The following SPATA1 variants were observed in gnomAD, a reference collection of about 807,000 sequenced individuals.
SPATA1 encodes the protein spermatogenesis-associated protein 1.
Under a neutral mutation model 59.6 loss-of-function variants are expected in SPATA1, and 57 were observed. That is an observed-to-expected ratio of 0.96 (90% confidence interval 0.77 to 1.19). The LOEUF is 1.19. Ranked by LOEUF, SPATA1 falls within the 50% of genes most tolerant of loss-of-function variation. SPATA1 has a pLI of 0.00. For missense variants in SPATA1, 448 were observed against 480.7 expected, an observed-to-expected ratio of 0.93 and a Z score of 0.64; for synonymous variants, 147 against 163.9, an observed-to-expected ratio of 0.90 and a Z score of 0.79.
chr1:84,525,966 C>A (rs772340002), exon 6 of SPATA1: 2 of 1,613,692 alleles, frequency 1.2e-6, no homozygotes, highest in South Asian at 2.2e-5. Context: ...GCTGATGGAA[C>A]AATCCACAGA....
At chr1:84,556,244 T>C (rs187596326), downstream of SPATA1, among the ~76,000 whole-genome samples, 3 of 152,246 alleles carry the variant, frequency 2.0e-5, no homozygotes, top group Admixed American at 6.5e-5. Context: ...GGAGCAGATC[T>C]AGGACAAAGT....
Position 84,547,325 on chromosome 1 carries a change from CT to C in SPATA1, c.947-1460del, listed in dbSNP as rs566016331. On this transcript the variant is annotated intron_variant, in intron 10 of 12. Transcript: ENST00000490879. ...TGAAATGGGAATGATCCATCACTTCCTATTTCAACAGGAATATTTCAAGATA... is the reference window on the plus strand; with the variant it reads ...TGAAATGGGAATGATCCATCACTTCCATTTCAACAGGAATATTTCAAGATA... Among the ~76,000 whole-genome samples, 648 of 152,248 alleles carry C rather than the reference CT, an allele frequency of 4.3e-3. 10 individuals are homozygous for C. Among genetic ancestry groups the C allele is most frequent in the Non-Finnish European group, 4.5e-3 (305 of 68,016 alleles).
chr1:84,520,742 T>C lies in SPATA1; in HGVS notation c.143+51T>C. 6 of 1,259,596 alleles carry C rather than the reference T, an allele frequency of 4.8e-6. No homozygotes were observed. The South Asian group carries it at 8.6e-5, about 18-fold the overall frequency. 78.0% of individuals were successfully genotyped at this position (1,259,596 alleles called of 1,614,324 possible). ...ATATGCCTGAAAGAAGAATCTGTTTTCTTCAGAGAAAAATGCTTTTTGGAA... is the reference window on the plus strand; with the variant it reads ...ATATGCCTGAAAGAAGAATCTGTTTCCTTCAGAGAAAAATGCTTTTTGGAA... On this transcript the variant is annotated intron_variant, in intron 3 of 12. Coordinates refer to ENST00000490879, the Ensembl canonical transcript of SPATA1.
intron 3 of SPATA1, 94 bp downstream of exon 3, chr1:84,520,785 G>GA: frequency 1.2e-6 from 1 of 842,388 alleles, no homozygotes. Context: ...AACTATAAGT[G>GA]AAAAATATTT....
rs983026173 is a variant in SPATA1 at position 84,563,485 on chromosome 1, A to G, written n.443-2376A>G. 5.4e-6 allele frequency: 6 copies of G among 1,114,232 alleles called. No homozygotes were observed. The African/African-American group carries it at 9.8e-5, about 18-fold the overall frequency. The allele number at this position is 1,114,232 out of a possible 1,614,324, so 69.0% of individuals were successfully genotyped here. A position where few individuals can be genotyped will look rare whatever the true frequency, so the allele number is the denominator to read the frequency against. ...GCAATTCTTAAAAGCCAAACCAAAA[A>G]TATATAAATTATTTAGAAATAAAAC... On this transcript the variant is annotated intron_variant and non_coding_transcript_variant, in intron 4 of 4. Transcript: ENST00000460286.
intron 6 of SPATA1, among the ~76,000 whole-genome samples, chr1:84,530,161 T>A (rs1174538927): frequency 6.6e-6 from 1 of 152,162 alleles, no homozygotes; most frequent in African/African-American, 2.4e-5. Flanking sequence ...ATTGCAGTCA[T>A]GAGCCACCGC....
downstream of SPATA1, chr1:84,555,045 G>A (rs766374860): frequency 6.2e-7 from 1 of 1,613,888 alleles, no homozygotes; most frequent in Non-Finnish European, 8.5e-7. Flanking sequence ...CATTTCTTCA[G>A]TTTGCTGTTT....
chr1:84,563,977 TCC>T, intron 4 of SPATA1: 1 of 892,212 alleles, frequency 1.1e-6, no homozygotes, highest in Non-Finnish European at 1.5e-6. Context: ...TTATAAAACA[TCC>T]CTTAAGAACC....
intron 1 of SPATA1, among the ~76,000 whole-genome samples, chr1:84,509,190 A>G (rs956682601): frequency 6.6e-6 from 1 of 150,840 alleles, no homozygotes; most frequent in African/African-American, 2.4e-5. Flanking sequence ...TAGTAACCAA[A>G]ACAGCATGGT....
intron 4 of SPATA1, among the ~76,000 whole-genome samples, chr1:84,564,607 A>G (rs1684657237): frequency 6.6e-6 from 1 of 152,210 alleles, no homozygotes; most frequent in Non-Finnish European, 1.5e-5. Flanking sequence ...CTTCGGCCTC[A>G]TGTGATCTTC....
intron 2 of SPATA1, among the ~76,000 whole-genome samples, chr1:84,519,781 T>C (rs1224291536): frequency 6.6e-6 from 1 of 152,170 alleles, no homozygotes; most frequent in African/African-American, 2.4e-5. Context: ...ATGAAATTAC[T>C]AATATTAACA....
At chr1:84,515,113 C>T (rs936256301) in intron 1 of SPATA1, among the ~76,000 whole-genome samples, 23 of 152,094 alleles carry the variant, frequency 1.5e-4, no homozygotes, top group African/African-American at 5.3e-4. Context: ...TTAACTAATT[C>T]TTATCTAATA....
intron 2 of SPATA1, among the ~76,000 whole-genome samples, chr1:84,519,675 AG>A (rs1189679002): frequency 6.6e-6 from 1 of 152,130 alleles, no homozygotes; most frequent in Non-Finnish European, 1.5e-5. Flanking sequence ...TTAAATTGTT[AG>A]TTAATAATCA....
Position 84,526,041 on chromosome 1 carries a change from TGAAA to T in SPATA1, c.515_518del (p.Lys172SerfsTer92), listed in dbSNP as rs746291873. ...GATCCCAGTTTGTTAGAAAACACTT[TGAAA>T]GAGCTTCCTAACAAGAATCAGGAAG... is the stretch of plus-strand genomic sequence containing the variant. On this transcript the variant is annotated frameshift_variant, in exon 6 of 13. Coordinates refer to ENST00000490879, the Ensembl canonical transcript of SPATA1. LOFTEE classifies it high-confidence loss of function. The T allele has an allele frequency of 2.4e-5, 38 of 1,612,130 alleles. No homozygotes were observed. Among genetic ancestry groups the T allele is most frequent in the Non-Finnish European group, 3.1e-5 (37 of 1,179,040 alleles).
At chr1:84,512,000 T>C (rs1434447427) in intron 1 of SPATA1, among the ~76,000 whole-genome samples, 1 of 152,168 alleles carries the variant, frequency 6.6e-6, no homozygotes, top group African/African-American at 2.4e-5. Flanking sequence ...GGCATTTTAA[T>C]CTGTTTACCT....
rs140610861 is a variant in SPATA1 at position 84,522,333 on chromosome 1, T to A, written c.144-57T>A. ...TAGCTGACTAAAGTTATTGAATCAT[T>A]AGTATATCCAAAATCTATTTCATTT... is the stretch of plus-strand genomic sequence containing the variant. On this transcript the variant is annotated intron_variant, in intron 3 of 12. Transcript: ENST00000490879. 62 of 968,844 alleles carry A rather than the reference T, an allele frequency of 6.4e-5. No homozygotes were observed. The African/African-American group carries it at 7.9e-4, about 12-fold the overall frequency. 60.0% of individuals were successfully genotyped at this position (968,844 alleles called of 1,614,324 possible).
At chr1:84,546,220 G>A (rs954385842) in intron 10 of SPATA1, among the ~76,000 whole-genome samples, 7 of 152,216 alleles carry the variant, frequency 4.6e-5, no homozygotes, top group East Asian at 1.9e-4. Flanking sequence ...TTGGGAGGCC[G>A]AGGCAGGCGG....
At chr1:84,548,835 A>G (rs767827259) in exon 11 of SPATA1, 1 of 1,572,932 alleles carries the variant, frequency 6.4e-7, no homozygotes, top group South Asian at 1.2e-5. Context: ...AAGTCACAGC[A>G]TCAATGGAGG....
In SPATA1 at chr1:84,550,750, A is replaced by AGTAAAATTTT. The variant is rs1410170432; in HGVS notation, c.1224+221_1224+230dup. On this transcript the variant is annotated intron_variant, in intron 12 of 12. Coordinates refer to ENST00000490879, the Ensembl canonical transcript of SPATA1. ...ATATAATAAAGCCAAAGTAAAATTTAGTAAAATTTTACTAGGAAGAATTAA... is the reference window on the plus strand; with the variant it reads ...ATATAATAAAGCCAAAGTAAAATTTAGTAAAATTTTGTAAAATTTTACTAGGAAGAATTAA... 4.0e-5 allele frequency: 44 copies of AGTAAAATTTT among 1,092,852 alleles called. 1 individual carries two copies. In the Middle Eastern group the frequency reaches 1.6e-3, roughly 40 times the overall value. The allele number at this position is 1,092,852 out of a possible 1,614,324, so 67.7% of individuals were successfully genotyped here.
Sources: allele counts gnomAD v4.1 joint callset (sites outside exome capture counted in the v4.1 genomes callset), GRCh38; gene constraint gnomAD v4.1.1; transcripts MANE v1.5; gene names NCBI Gene and HGNC (gene_info 2026-07-23, HGNC 2026-07-21).